LGALS8: variants seen among roughly 807,000 people sequenced by gnomAD.
LGALS8 encodes galectin-8.
A neutral mutation model predicts 35.9 loss-of-function variants in LGALS8; 30 were observed. The observed-to-expected ratio is 0.83, with a 90% confidence interval of 0.62 to 1.13. The LOEUF (loss-of-function observed/expected upper bound fraction) is 1.13, where lower values mean the gene tolerates loss of function less well. Ranked by LOEUF, LGALS8 falls within the 50% of genes most tolerant of loss-of-function variation. LGALS8 has a pLI of 0.00. For synonymous variants in LGALS8, 138 were observed against 136.1 expected (o/e 1.01, Z -0.10); for missense variants, 366 against 388.7 (o/e 0.94, Z 0.49).
In LGALS8 at chr1:236,552,608, CTG is replaced by C. The variant is rs1460809883; in HGVS notation, c.*4451_*4452del. On this transcript the variant is annotated 3_prime_UTR_variant, in exon 10 of 10. Coordinates refer to ENST00000366584, the MANE Select transcript of LGALS8 (RefSeq NM_201544.4). ...ATCTCAGCACTGAATAAAAAACATTCTGTGTCACAATATCCTAGTTTTGGGGC... is the reference window on the plus strand; with the variant it reads ...ATCTCAGCACTGAATAAAAAACATTCTGTCACAATATCCTAGTTTTGGGGC... 1 of 152,268 alleles carries C rather than the reference CTG, an allele frequency of 6.6e-6. No homozygotes were observed. Among genetic ancestry groups the C allele is most frequent in the Non-Finnish European group, 1.5e-5 (1 of 68,066 alleles). 9.4% of individuals were successfully genotyped at this position (152,268 alleles called of 1,614,324 possible). A position where few individuals can be genotyped will look rare whatever the true frequency, so the allele number is the denominator to read the frequency against.
chr1:236,548,197 G>C lies in LGALS8; in HGVS notation c.*36G>C. 1.3e-6 allele frequency: 2 copies of C among 1,589,562 alleles called. No homozygotes were observed. Among genetic ancestry groups the C allele is most frequent in the Non-Finnish European group, 1.7e-6 (2 of 1,165,318 alleles). ...CAGCTGCTACAAAAACCAAAATACAGAATGGCTTCTGTGATACTGGCCTTG... is the reference window on the plus strand; with the variant it reads ...CAGCTGCTACAAAAACCAAAATACACAATGGCTTCTGTGATACTGGCCTTG... On this transcript the variant is annotated 3_prime_UTR_variant, in exon 10 of 10. Transcript: ENST00000366584.
intron 2 of LGALS8, among the ~76,000 whole-genome samples, chr1:236,535,697 T>G (rs1661445389): frequency 6.6e-6 from 1 of 152,274 alleles, no homozygotes; most frequent in Admixed American, 6.5e-5. Flanking sequence ...AGCCCCAGTC[T>G]ACACTGTCTG....
Position 236,541,527 on chromosome 1 carries a change from A to ATTTTAT in LGALS8, c.466-123_466-122insATTTTT. 5.3e-6 allele frequency: 3 copies of ATTTTAT among 567,602 alleles called. No homozygotes were observed. The South Asian group carries it at 7.5e-5, about 14-fold the overall frequency. The allele number at this position is 567,602 out of a possible 1,614,324, so 35.2% of individuals were successfully genotyped here. A position where few individuals can be genotyped will look rare whatever the true frequency, so the allele number is the denominator to read the frequency against. On this transcript the variant is annotated intron_variant, in intron 5 of 9. Transcript: ENST00000366584. ...CGGAAAGGACCACAGTGTCAAGTGT[A>ATTTTAT]TTTTTGGATCATAGTTTTCAAGCAT...
rs1221515369 is a variant in LGALS8, at chr1:236,548,750, G to A, written c.*589G>A. ...CAGTGCTCTACCGTATCCCATCACT[G>A]AGGACTGATGTTGACTGACATCATT... On this transcript the variant is annotated 3_prime_UTR_variant, in exon 10 of 10. Transcript: ENST00000366584. 1 of 382,670 alleles carries A rather than the reference G, an allele frequency of 2.6e-6. No individual in the cohort carries two copies. The highest frequency in any genetic ancestry group is 4.6e-6 in the Non-Finnish European group (1 of 219,322). The allele number at this position is 382,670 out of a possible 1,614,324, so 23.7% of individuals were successfully genotyped here. A position where few individuals can be genotyped will look rare whatever the true frequency, so the allele number is the denominator to read the frequency against.
intron 3 of LGALS8, 139 bp from the exon 4 acceptor site, chr1:236,538,740 T>C: frequency 1.5e-6 from 1 of 656,652 alleles, no homozygotes; most frequent in Non-Finnish European, 2.7e-6. Flanking sequence ...CAGTCAGCTC[T>C]TTAGGCCTCA....
rs1221917413 is a variant in LGALS8, at chr1:236,549,840, T to A, written c.*1679T>A. ...CGTGGAGGAAAAAAATTTAAAAAGC[T>A]ATTAGTATTTATTAATGAATTTTAC... On this transcript the variant is annotated 3_prime_UTR_variant, in exon 10 of 10. Coordinates refer to ENST00000366584, the MANE Select transcript of LGALS8 (RefSeq NM_201544.4). The A allele has an allele frequency of 6.6e-6, 1 of 152,238 alleles. No homozygotes were observed. Among genetic ancestry groups the A allele is most frequent in the African/African-American group, 2.4e-5 (1 of 41,460 alleles). The allele number at this position is 152,238 out of a possible 1,614,324, so 9.4% of individuals were successfully genotyped here.
At chr1:236,542,120 C>T (rs1185563119) in intron 6 of LGALS8, among the ~76,000 whole-genome samples, 1 of 152,184 alleles carries the variant, frequency 6.6e-6, no homozygotes, top group Non-Finnish European at 1.5e-5. Flanking sequence ...CACGTTCACA[C>T]CTCACAGACA....
At chr1:236,546,436 ATCT>A (rs1359452133) in intron 9 of LGALS8, among the ~76,000 whole-genome samples, 1 of 152,222 alleles carries the variant, frequency 6.6e-6, no homozygotes, top group African/African-American at 2.4e-5. Context: ...TTCATTTTAA[ATCT>A]TCTTGCTCTT....
intron 5 of LGALS8, among the ~76,000 whole-genome samples, chr1:236,541,071 C>A (rs1331914865): frequency 1.3e-5 from 2 of 152,280 alleles, no homozygotes; most frequent in African/African-American, 4.8e-5. Flanking sequence ...CAACCGTGGT[C>A]CCATAAGATT....
rs774184174 is a variant in LGALS8 at position 236,552,743 on chromosome 1, T to C, written c.*4582T>C. ...ACAAAAGCCCTACTGGTCTTCTAATTTTGGATATTTTAATTAAAGAATATC... is the reference window on the plus strand; with the variant it reads ...ACAAAAGCCCTACTGGTCTTCTAATCTTGGATATTTTAATTAAAGAATATC... On this transcript the variant is annotated 3_prime_UTR_variant, in exon 10 of 10. Transcript: ENST00000366584. 6 of 152,338 alleles carry C rather than the reference T, an allele frequency of 3.9e-5. No individual in the cohort carries two copies. The highest frequency in any genetic ancestry group is 1.4e-4 in the African/African-American group (6 of 41,578). The allele number at this position is 152,338 out of a possible 1,614,324, so 9.4% of individuals were successfully genotyped here. A position where few individuals can be genotyped will look rare whatever the true frequency, so the allele number is the denominator to read the frequency against.
At position 236,533,377 on chromosome 1, in the gene LGALS8, C is replaced by T. The variant is rs574941104; in HGVS notation, c.46-4120C>T. On this transcript the variant is annotated intron_variant, in intron 2 of 9. Coordinates refer to ENST00000366584, the MANE Select transcript of LGALS8 (RefSeq NM_201544.4). ...TTGAGACTGAATTTTGCTTGTTGCC[C>T]AGGCTGGAGTGCAATGGCCCGATCT... Among the ~76,000 whole-genome samples, 28 of 151,792 alleles carry T rather than the reference C, an allele frequency of 1.8e-4. No individual in the cohort carries two copies. The South Asian group carries it at 5.8e-3, about 32-fold the overall frequency.
At chr1:236,547,665 C>CTA (rs1662459214) in intron 9 of LGALS8, among the ~76,000 whole-genome samples, 2 of 111,366 alleles carry the variant, frequency 1.8e-5, no homozygotes, top group Non-Finnish European at 4.2e-5. Context: ...AGGAGAGTCC[C>CTA]CAGCATCGGC....
chr1:236,551,693 T>G lies in LGALS8; in HGVS notation c.*3532T>G. 1 of 237,894 alleles carries G rather than the reference T, an allele frequency of 4.2e-6. No homozygotes were observed. The highest frequency in any genetic ancestry group is 9.6e-5 in the South Asian group (1 of 10,404). The allele number at this position is 237,894 out of a possible 1,614,324, so 14.7% of individuals were successfully genotyped here. Reference sequence around the variant, plus strand: ...AATCATATAAATGTATGAGGTTAATTAAAAACACTACTGTAATCTGCTTGT... The same window carrying G: ...AATCATATAAATGTATGAGGTTAATGAAAAACACTACTGTAATCTGCTTGT... On this transcript the variant is annotated 3_prime_UTR_variant, in exon 10 of 10. Coordinates refer to ENST00000366584, the MANE Select transcript of LGALS8 (RefSeq NM_201544.4).
rs1662260056 is a variant in LGALS8 at position 236,544,810 on chromosome 1, C to T, written c.699C>T (p.Arg233=). ...ATATTGCTCTACACTTGAACCCACG[C>T]CTGAATATTAAAGCATTTGTAAGAA... ...SKDIALHLNP[R]LNIKAFVRNS... The change falls in exon 9 of 10, where the codon CGC becomes CGT. Residue 233 remains arginine (R), a synonymous_variant. Transcript: ENST00000366584. 6.2e-7 allele frequency: 1 copy of T among 1,613,676 alleles called. No individual in the cohort carries two copies.
At chr1:236,533,934 G>A (rs1661301966) in intron 2 of LGALS8, among the ~76,000 whole-genome samples, 1 of 150,956 alleles carries the variant, frequency 6.6e-6, no homozygotes. Context: ...CTCTGACCCT[G>A]GATGCAGCTC....
In LGALS8 at chr1:236,549,171, T is replaced by G; in HGVS notation, c.*1010T>G. 1 of 394,364 alleles carries G rather than the reference T, an allele frequency of 2.5e-6. No individual in the cohort carries two copies. The highest frequency in any genetic ancestry group is 4.5e-6 in the Non-Finnish European group (1 of 223,834). The allele number at this position is 394,364 out of a possible 1,614,324, so 24.4% of individuals were successfully genotyped here. ...TCCCATGAAATCACCAATCAAGGCC[T>G]CCGTTCTTCTAAAGATTAGTCCATC... On this transcript the variant is annotated 3_prime_UTR_variant, in exon 10 of 10. Coordinates refer to ENST00000366584, the MANE Select transcript of LGALS8 (RefSeq NM_201544.4).
At chr1:236,546,720 G>T (rs934086899) in intron 9 of LGALS8, among the ~76,000 whole-genome samples, 10 of 152,232 alleles carry the variant, frequency 6.6e-5, no homozygotes, top group African/African-American at 2.4e-4. Context: ...TACAGTACAG[G>T]TAACTAATTG....
At chr1:236,542,641 G>C in intron 6 of LGALS8, 120 bp from the exon 7 acceptor site, 1 of 1,007,324 alleles carries the variant, frequency 9.9e-7, no homozygotes, top group Non-Finnish European at 1.6e-6. Flanking sequence ...GGTCACACCA[G>C]AGTGGAGCAG....
chr1:236,539,859 A>C (rs1209288208), intron 4 of LGALS8, among the ~76,000 whole-genome samples: 7 of 151,554 alleles, frequency 4.6e-5, no homozygotes. Flanking sequence ...CTTTGGCTTT[A>C]CGTGTTTATT....
Sources: gnomAD v4.1 joint callset for allele counts (sites outside exome capture counted in the v4.1 genomes callset) on GRCh38, gnomAD v4.1.1 for gene constraint, MANE v1.5 for transcripts, NCBI Gene and HGNC (gene_info 2026-07-23, HGNC 2026-07-21) for gene names.